Variants in RIC8B observed in about 807,000 individuals in gnomAD.
RIC8B encodes the protein chaperone Ric-8B.
A neutral mutation model predicts 57.5 loss-of-function variants in RIC8B; 16 were observed. That is an observed-to-expected ratio of 0.28 (90% CI 0.19 to 0.42). The LOEUF is 0.42. RIC8B is among the 10% of genes least tolerant of loss of function. The pLI is 1.00. For missense variants in RIC8B, 481 were observed against 677.0 expected (o/e 0.71, Z 3.21); for synonymous variants, 216 against 250.8 (o/e 0.86, Z 1.31).
Position 106,798,003 on chromosome 12 carries a change from G to A in RIC8B, c.132+13959G>A, listed in dbSNP as rs558108856. ...CACCCGAAATGTGAGATTTGATGGA[G>A]AACATAAAGCTTTGACATTAAACTA... On this transcript the variant is annotated intron_variant, in intron 2 of 9. Coordinates refer to ENST00000392837, the MANE Select transcript of RIC8B (RefSeq NM_001330145.2). The A allele has an allele frequency of 3.3e-4, 236 of 707,338 alleles. 3 individuals carry two copies. Among genetic ancestry groups the A allele is most frequent in the South Asian group, 3.2e-3 (210 of 65,224 alleles). The allele number at this position is 707,338 out of a possible 1,614,324, so 43.8% of individuals were successfully genotyped here. A position where few individuals can be genotyped will look rare whatever the true frequency, so the allele number is the denominator to read the frequency against.
At chr12:106,791,900 AT>A in intron 2 of RIC8B, among the ~76,000 whole-genome samples, 1 of 152,218 alleles carries the variant, frequency 6.6e-6, no homozygotes, top group Non-Finnish European at 1.5e-5. Flanking sequence ...TGAGGAATGG[AT>A]GCTTGTTCTA....
At chr12:106,885,587 A>G (rs1951145075) in intron 9 of RIC8B, among the ~76,000 whole-genome samples, 1 of 152,058 alleles carries the variant, frequency 6.6e-6, no homozygotes, top group East Asian at 1.9e-4. Context: ...AAAAAAAAAA[A>G]AAAAGGTTAA....
intron 7 of RIC8B, among the ~76,000 whole-genome samples, chr12:106,854,787 CAAAAAAG>C (rs1452383738): frequency 4.0e-5 from 6 of 151,064 alleles, no homozygotes; most frequent in African/African-American, 1.2e-4. Context: ...GACTCCGTCT[CAAAAAAG>C]AAAAAAGAAA....
intron 2 of RIC8B, among the ~76,000 whole-genome samples, chr12:106,785,813 C>CTG (rs61337359): frequency 0.031 from 3,884 of 123,928 alleles, 124 homozygotes; most frequent in Non-Finnish European, 0.043. Context: ...CTCTCTCTCT[C>CTG]TGTGTGTGTG....
chr12:106,835,103 C>T (rs188184537), intron 4 of RIC8B, among the ~76,000 whole-genome samples: 3 of 151,888 alleles, frequency 2.0e-5, no homozygotes, highest in Admixed American at 1.3e-4. Flanking sequence ...TTGTACTTAC[C>T]GTTTCCATGG....
chr12:106,859,963 T>C (rs970710155), intron 7 of RIC8B, among the ~76,000 whole-genome samples: 2 of 152,104 alleles, frequency 1.3e-5, no homozygotes, highest in African/African-American at 4.8e-5. Flanking sequence ...AGATCTGAGA[T>C]CAGAAACTTA....
At chr12:106,842,928 T>A in intron 5 of RIC8B, 111 bp downstream of exon 5, 1 of 634,950 alleles carries the variant, frequency 1.6e-6, no homozygotes, top group Non-Finnish European at 2.7e-6. Context: ...GCTTTTTTTC[T>A]GACTGATGTG....
At chr12:106,833,934 C>T (rs1236448648) in intron 4 of RIC8B, among the ~76,000 whole-genome samples, 3 of 152,128 alleles carry the variant, frequency 2.0e-5, no homozygotes, top group African/African-American at 7.2e-5. Context: ...CACCTTCTCC[C>T]CCTCTTTCTT....
At chr12:106,837,639 G>GTTTT (rs375634080) in intron 4 of RIC8B, among the ~76,000 whole-genome samples, 48 of 115,306 alleles carry the variant, frequency 4.2e-4, no homozygotes, top group African/African-American at 4.7e-4. Context: ...AAAATCTTTT[G>GTTTT]TTTTTTTTTT....
At chr12:106,796,518 T>TA (rs1167154619) in intron 2 of RIC8B, among the ~76,000 whole-genome samples, 2 of 152,220 alleles carry the variant, frequency 1.3e-5, no homozygotes, top group Non-Finnish European at 2.9e-5. Context: ...GCTGGATTCT[T>TA]ACCTCTTGCT....
chr12:106,785,781 C>A (rs2043977011), intron 2 of RIC8B, among the ~76,000 whole-genome samples: 1 of 136,880 alleles, frequency 7.3e-6, no homozygotes, highest in South Asian at 2.6e-4. Context: ...CATGTGTATT[C>A]TATGTCTCTC....
intron 2 of RIC8B, among the ~76,000 whole-genome samples, chr12:106,797,252 G>A (rs139878382): frequency 3.2e-4 from 49 of 152,310 alleles, no homozygotes; most frequent in Middle Eastern, 3.4e-3. Context: ...ATGTAAACAT[G>A]CCCATCACCT....
intron 3 of RIC8B, among the ~76,000 whole-genome samples, chr12:106,819,585 C>G (rs1311383773): frequency 6.6e-6 from 1 of 151,590 alleles, no homozygotes; most frequent in Non-Finnish European, 1.5e-5. Flanking sequence ...GACCTGATCT[C>G]TACAAAAAAT....
chr12:106,813,187 CTTTTTT>C (rs35584850), intron 2 of RIC8B, among the ~76,000 whole-genome samples: 2 of 98,680 alleles, frequency 2.0e-5, no homozygotes, highest in African/African-American at 7.7e-5. Context: ...AATACTATGC[CTTTTTT>C]TTTTTTTTTT....
At position 106,868,766 on chromosome 12, in the gene RIC8B, G is replaced by GACACAC. The variant is rs56293147; in HGVS notation, c.1452-2013_1452-2008dup. Among the ~76,000 whole-genome samples the GACACAC allele has an allele frequency of 2.8e-3, 350 of 123,014 alleles. 4 individuals carry two copies. The highest frequency in any genetic ancestry group is 2.7e-3 in the Non-Finnish European group (166 of 60,564). The allele number at this position is 123,014 out of a possible 152,430, so 80.7% of individuals were successfully genotyped here. On this transcript the variant is annotated intron_variant, in intron 8 of 9. Transcript: ENST00000392837. ...ATGAGTGTCTAAAGCAGGCACTCTA[G>GACACAC]ACACACACACACACACACACACACA...
At chr12:106,854,266 A>G (rs982027498) in intron 7 of RIC8B, among the ~76,000 whole-genome samples, 1 of 152,196 alleles carries the variant, frequency 6.6e-6, no homozygotes, top group Non-Finnish European at 1.5e-5. Flanking sequence ...TTTACCTTCA[A>G]CTTAACAGTA....
chr12:106,790,944 A>G (rs1414037092), intron 2 of RIC8B, among the ~76,000 whole-genome samples: 4 of 152,202 alleles, frequency 2.6e-5, no homozygotes, highest in Non-Finnish European at 5.9e-5. Flanking sequence ...TGAGATTGCA[A>G]GCTCTTTGAG....
In RIC8B at chr12:106,842,687, T is replaced by C. The variant is rs1249589296; in HGVS notation, c.935T>C (p.Leu312Pro). 5 of 1,613,924 alleles carry C rather than the reference T, an allele frequency of 3.1e-6. No homozygotes were observed. The highest frequency in any genetic ancestry group is 4.2e-6 in the Non-Finnish European group (5 of 1,179,880). ...GAAACAGCCCAAGAGGCAACGACTCTAGATGAACTGCCCAGTAATAAAACA... is the reference window on the plus strand; with the variant it reads ...GAAACAGCCCAAGAGGCAACGACTCCAGATGAACTGCCCAGTAATAAAACA... ...HEETAQEATT[L>P]DELPSNKTAE... The change falls in exon 5 of 10, where the codon CTA becomes CCA. Residue 312 changes from leucine to proline, a missense_variant. Transcript: ENST00000392837.
chr12:106,864,332 G>T (rs1251808645), intron 8 of RIC8B, among the ~76,000 whole-genome samples: 1 of 152,030 alleles, frequency 6.6e-6, no homozygotes, highest in Admixed American at 6.6e-5. Context: ...TTACCTCCTG[G>T]ATCATCTGAG....
Sources: gnomAD v4.1 joint callset for allele counts (sites outside exome capture counted in the v4.1 genomes callset) on GRCh38, gnomAD v4.1.1 for gene constraint, MANE v1.5 for transcripts, NCBI Gene and HGNC (gene_info 2026-07-23, HGNC 2026-07-21) for gene names.